Variants in STAG3 observed in about 807,000 individuals in gnomAD.
STAG3 encodes the protein cohesin subunit SA-3.
A neutral mutation model predicts 160.7 loss-of-function variants in STAG3; 101 were observed. That is an observed-to-expected ratio of 0.63 (90% CI 0.54 to 0.74). STAG3 has a LOEUF of 0.74. STAG3 is among the 30% of genes least tolerant of loss of function. The pLI, the probability that STAG3 is intolerant of heterozygous loss-of-function variation, is 0.00. For missense variants in STAG3, 1,188 were observed against 1,517.4 expected (o/e 0.78, Z 3.61); for synonymous variants, 519 against 585.0 (o/e 0.89, Z 1.63).
Position 100,187,315 on chromosome 7 carries a change from G to A in STAG3, c.433+1019G>A, listed in dbSNP as rs1278511605. On this transcript the variant is annotated intron_variant, in intron 5 of 33. Transcript: ENST00000615138. ...TGGTATTACAGGCATGAGCCATCGC[G>A]CCTGGCCTGTTTTTTGGTTTGTTTT... is the stretch of plus-strand genomic sequence containing the variant. Among the ~76,000 whole-genome samples, 7 of 151,388 alleles carry A rather than the reference G, an allele frequency of 4.6e-5. No individual in the cohort carries two copies. In the East Asian group the frequency reaches 1.2e-3, roughly 25 times the overall value.
At chr7:100,190,756 T>TAA (rs1165655693) in intron 8 of STAG3, among the ~76,000 whole-genome samples, 1 of 152,206 alleles carries the variant, frequency 6.6e-6, no homozygotes, top group African/African-American at 2.4e-5. Flanking sequence ...CTTACTTCCT[T>TAA]AATGTCCAAC....
intron 8 of STAG3, 113 bp from the exon 9 acceptor site, chr7:100,195,196 C>A: frequency 1.1e-6 from 1 of 918,066 alleles, no homozygotes; most frequent in Non-Finnish European, 1.8e-6. Flanking sequence ...CGGGGGTTCA[C>A]ACTATCCTAT....
At position 100,180,535 on chromosome 7, in the gene STAG3, T is replaced by C. The variant is rs748512313; in HGVS notation, c.-22T>C. 2 of 1,467,500 alleles carry C rather than the reference T, an allele frequency of 1.4e-6. No homozygotes were observed. Among genetic ancestry groups the C allele is most frequent in the Non-Finnish European group, 9.6e-7 (1 of 1,045,982 alleles). 90.9% of individuals were successfully genotyped at this position (1,467,500 alleles called of 1,614,324 possible). A position where few individuals can be genotyped will look rare whatever the true frequency, so the allele number is the denominator to read the frequency against. ...CCCTGTGGTCCTCATCTTCCTGGCC[T>C]CATAGCTCCTCCTCTCCAAGCATGT... On this transcript the variant is annotated 5_prime_UTR_variant, in exon 2 of 34. Coordinates refer to ENST00000615138, the MANE Select transcript of STAG3 (RefSeq NM_001282717.2).
chr7:100,188,777 T>C (rs769025110), intron 6 of STAG3, 35 bp from the exon 7 acceptor site: 32 of 1,609,264 alleles, frequency 2.0e-5, no homozygotes, highest in Non-Finnish European at 2.6e-5. Context: ...GACCTGGTAA[T>C]AACTTTCCCA....
At position 100,205,268 on chromosome 7, in the gene STAG3, C is replaced by A; in HGVS notation, c.3122C>A (p.Ala1041Glu). 6.2e-7 allele frequency: 1 copy of A among 1,614,150 alleles called. No individual in the cohort carries two copies. Residue 1041 changes from alanine (A) to glutamate (E), a missense_variant, in exon 29 of 34, where the codon GCA becomes GAA. This residue lies in a region of STAG3 where 647 missense variants were observed against 717.2 expected (regional missense o/e 0.90). Coordinates refer to ENST00000615138, the MANE Select transcript of STAG3 (RefSeq NM_001282717.2). ...AAGTGCCTGCAGCATGTCTCCCAGG[C>A]ACCTGGCCATCCCTGGGGCCCAGTC... ...LEKCLQHVSQ[A>E]PGHPWGPVTT...
intron 1 of STAG3, among the ~76,000 whole-genome samples, chr7:100,179,758 G>A (rs1799521410): frequency 1.3e-5 from 2 of 151,990 alleles, no homozygotes; most frequent in South Asian, 4.1e-4. Context: ...ATTTTGAGAT[G>A]GAGTTTCACT....
intron 7 of STAG3, 33 bp downstream of exon 7, chr7:100,189,049 T>A: frequency 1.9e-6 from 3 of 1,609,880 alleles, no homozygotes; most frequent in Non-Finnish European, 2.5e-6. Flanking sequence ...GACATTCTCC[T>A]GGGGATTTAT....
At chr7:100,216,323 A>C (rs1802747738), downstream of STAG3, among the ~76,000 whole-genome samples, 1 of 150,616 alleles carries the variant, frequency 6.6e-6, no homozygotes, top group Non-Finnish European at 1.5e-5. Flanking sequence ...AGTTATATAA[A>C]CATATACTAA....
intron 14 of STAG3, 111 bp from the exon 15 acceptor site, chr7:100,199,151 A>C: frequency 1.1e-6 from 1 of 900,106 alleles, no homozygotes; most frequent in Non-Finnish European, 1.8e-6. Flanking sequence ...AGACAAATGG[A>C]GAAGGATGGG....
chr7:100,209,195 C>T (rs1224507730), intron 29 of STAG3, among the ~76,000 whole-genome samples: 1 of 152,194 alleles, frequency 6.6e-6, no homozygotes, highest in Non-Finnish European at 1.5e-5. Context: ...TCCTAGGTTA[C>T]ACACAACACT....
chr7:100,190,903 T>C (rs562764059), intron 8 of STAG3, among the ~76,000 whole-genome samples: 1 of 152,344 alleles, frequency 6.6e-6, no homozygotes, highest in East Asian at 1.9e-4. Flanking sequence ...ACATATTTGC[T>C]TTACCTATTT....
chr7:100,211,936 G>T, intron 32 of STAG3, 60 bp downstream of exon 32: 1 of 1,537,564 alleles, frequency 6.5e-7, no homozygotes, highest in Non-Finnish European at 8.9e-7. Context: ...CCAAAGAGAA[G>T]CCAGGGTGTT....
At position 100,207,048 on chromosome 7, in the gene STAG3, T is replaced by C. The variant is rs116199546; in HGVS notation, c.3238+1664T>C. ...AGTGTTTTCAACGTTCATCCATACT[T>C]TGACATATATCAGTATCTCATACCT... On this transcript the variant is annotated intron_variant, in intron 29 of 33. Transcript: ENST00000615138. This position sits in a 1 kb window ranked among gnomAD's most constrained non-coding sequence, Gnocchi z 4.0. Among the ~76,000 whole-genome samples, 61 of 152,340 alleles carry C rather than the reference T, an allele frequency of 4.0e-4. No homozygotes were observed. Among genetic ancestry groups the C allele is most frequent in the African/African-American group, 1.4e-3 (60 of 41,578 alleles).
chr7:100,206,005 GTTTTGT>G (rs1801618448), intron 29 of STAG3, among the ~76,000 whole-genome samples: 2 of 151,826 alleles, frequency 1.3e-5, no homozygotes, highest in South Asian at 2.1e-4. Flanking sequence ...GTTGCCTAAG[GTTTTGT>G]TTTTGTTTTT....
chr7:100,213,723 C>T lies in STAG3; in HGVS notation c.3601-12C>T. 1.9e-6 allele frequency: 3 copies of T among 1,614,168 alleles called. No individual in the cohort carries two copies. Among genetic ancestry groups the T allele is most frequent in the South Asian group, 1.1e-5 (1 of 91,086 alleles). ...TAAAGGCCTTTTTGACTTTTAACCT[C>T]ATTCTCTCTAGCAAGCAAGTAGCTA... On this transcript the variant is annotated splice_polypyrimidine_tract_variant and intron_variant, in intron 32 of 33. Coordinates refer to ENST00000615138, the MANE Select transcript of STAG3 (RefSeq NM_001282717.2).
Position 100,186,240 on chromosome 7 carries a change from A to G in STAG3, c.377A>G (p.Gln126Arg), listed in dbSNP as rs1456314378. 6.2e-7 allele frequency: 1 copy of G among 1,614,070 alleles called. No individual in the cohort carries two copies. The highest frequency in any genetic ancestry group is 8.5e-7 in the Non-Finnish European group (1 of 1,180,026). Reference sequence around the variant, plus strand: ...TGGCTGGATAGCTACAAGCAAGACCAGGATGCAGGATTTCTGGAGCTTGTT... The same window carrying G: ...TGGCTGGATAGCTACAAGCAAGACCGGGATGCAGGATTTCTGGAGCTTGTT... ...DEWLDSYKQD[Q>R]DAGFLELVNF... Residue 126 changes from glutamine to arginine, a missense_variant, in exon 5 of 34, where the codon CAG becomes CGG. Coordinates refer to ENST00000615138, the MANE Select transcript of STAG3 (RefSeq NM_001282717.2).
chr7:100,199,647 A>G lies in STAG3; in HGVS notation c.1677+3A>G, dbSNP rs1800941883. On this transcript the variant is annotated splice_donor_region_variant and intron_variant, in intron 16 of 33. Transcript: ENST00000615138. ...TGGGCCGGGTCACTGGGAGGAAGGT[A>G]TGGTGTGAGGGTAGAGTGGGTAGGT... 5 of 1,585,990 alleles carry G rather than the reference A, an allele frequency of 3.2e-6. No individual in the cohort carries two copies. The highest frequency in any genetic ancestry group is 2.7e-5 in the African/African-American group (2 of 74,560).
intron 29 of STAG3, among the ~76,000 whole-genome samples, chr7:100,206,076 G>A (rs1447448865): frequency 1.3e-5 from 2 of 151,710 alleles, no homozygotes; most frequent in African/African-American, 2.4e-5. Context: ...GTGCAGTGGC[G>A]CCATCTCGGC....
chr7:100,181,552 T>C (rs1449128030), intron 2 of STAG3: 1 of 152,342 alleles, frequency 6.6e-6, no homozygotes, highest in Non-Finnish European at 1.5e-5. Context: ...TGAGTATCAT[T>C]TGATTCTCTT....
Sources: gnomAD v4.1 joint callset for allele counts (sites outside exome capture counted in the v4.1 genomes callset) on GRCh38, gnomAD v4.1.1 for gene constraint, gnomAD v4.1.1 regional missense constraint, Gnocchi (gnomAD v3.1) non-coding constraint, MANE v1.5 for transcripts, NCBI Gene and HGNC (gene_info 2026-07-23, HGNC 2026-07-21) for gene names.